Variants in RAPGEF1 observed in about 807,000 individuals in gnomAD.
RAPGEF1 encodes Rap guanine nucleotide exchange factor 1, also known as CRK SH3-binding GNRP.
In RAPGEF1, 33 loss-of-function variants were observed where a neutral mutation model predicts 143.3. The observed-to-expected ratio is 0.23, with a 90% CI of 0.17 to 0.31. The LOEUF (loss-of-function observed/expected upper bound fraction) is 0.31. RAPGEF1 is among the 10% of genes least tolerant of loss of function. RAPGEF1 has a pLI of 1.00. For synonymous variants in RAPGEF1, 629 were observed against 676.5 expected (o/e 0.93, Z 1.09); for missense variants, 1,199 against 1,645.4 (o/e 0.73, Z 4.69).
chr9:131,630,154 C>A, intron 6 of RAPGEF1, 82 bp downstream of exon 6: 6 of 1,255,658 alleles, frequency 4.8e-6, no homozygotes, highest in Non-Finnish European at 6.9e-6. Context: ...ATGCTGCCCA[C>A]CCCACCGGGC....
chr9:131,710,240 C>A (rs758510632), intron 1 of RAPGEF1, among the ~76,000 whole-genome samples: 10 of 152,114 alleles, frequency 6.6e-5, no homozygotes, highest in Non-Finnish European at 1.3e-4. Context: ...AAGCTGATTT[C>A]ACTAATGCTG....
chr9:131,704,255 GC>G (rs1834883928), intron 1 of RAPGEF1, among the ~76,000 whole-genome samples: 1 of 150,354 alleles, frequency 6.7e-6, no homozygotes, highest in African/African-American at 2.5e-5. Flanking sequence ...GCATCCAGCT[GC>G]CCCAGATGCT....
At chr9:131,645,011 G>T (rs142998786) in intron 3 of RAPGEF1, among the ~76,000 whole-genome samples, 16 of 152,192 alleles carry the variant, frequency 1.1e-4, no homozygotes, top group Admixed American at 9.8e-4. Context: ...CTCCCATGGT[G>T]GGGGAAGTGC....
intron 1 of RAPGEF1, among the ~76,000 whole-genome samples, chr9:131,712,566 C>T (rs2131221131): frequency 6.6e-6 from 1 of 152,296 alleles, no homozygotes; most frequent in South Asian, 2.1e-4. Context: ...AAGTCAGGAG[C>T]CGTGTCTGGG....
At chr9:131,685,447 C>T (rs1034915760) in intron 1 of RAPGEF1, among the ~76,000 whole-genome samples, 1 of 152,212 alleles carries the variant, frequency 6.6e-6, no homozygotes, top group African/African-American at 2.4e-5. Flanking sequence ...GCAAGGAACA[C>T]GGGGCCCACC....
chr9:131,683,431 G>A (rs1468706299), intron 1 of RAPGEF1, among the ~76,000 whole-genome samples: 4 of 152,220 alleles, frequency 2.6e-5, no homozygotes, highest in African/African-American at 9.7e-5. Context: ...AATGGAGAAT[G>A]TTAACTGACT....
intron 1 of RAPGEF1, among the ~76,000 whole-genome samples, chr9:131,701,667 T>A (rs1010006631): frequency 2.0e-5 from 3 of 152,232 alleles, no homozygotes; most frequent in Non-Finnish European, 2.9e-5. Flanking sequence ...AAATATAAAA[T>A]CATAACATAT....
Position 131,739,943 on chromosome 9 carries a change from G to A in RAPGEF1, c.-113C>T, listed in dbSNP as rs1006611385. The A allele has an allele frequency of 3.5e-6, 2 of 568,644 alleles. No individual in the cohort carries two copies. Among genetic ancestry groups the A allele is most frequent in the Non-Finnish European group, 2.2e-6 (1 of 452,822 alleles). 35.2% of individuals were successfully genotyped at this position (568,644 alleles called of 1,614,324 possible). ...CCGGCATGGCGGGCTCCGCGCGGCC[G>A]CGGCCCTGCGCTCGGCGACCGCGCT... On this transcript the variant is annotated 5_prime_UTR_variant, in exon 1 of 27. Transcript: ENST00000683357.
intron 1 of RAPGEF1, among the ~76,000 whole-genome samples, chr9:131,660,665 C>T (rs1306092533): frequency 2.0e-5 from 3 of 152,166 alleles, no homozygotes; most frequent in South Asian, 2.1e-4. Flanking sequence ...TAGGGATGGA[C>T]GGCATGGGAA....
chr9:131,625,569 C>A (rs1962754021), intron 10 of RAPGEF1, among the ~76,000 whole-genome samples: 1 of 152,210 alleles, frequency 6.6e-6, no homozygotes, highest in Admixed American at 6.5e-5. Context: ...TCGCTCTACA[C>A]AGATGTTGCT....
At chr9:131,664,228 A>G (rs1830064443) in intron 1 of RAPGEF1, among the ~76,000 whole-genome samples, 1 of 151,830 alleles carries the variant, frequency 6.6e-6, no homozygotes. Context: ...TACCTTCCCT[A>G]CCCCATTTCT....
chr9:131,690,858 G>T (rs954098697), intron 1 of RAPGEF1, among the ~76,000 whole-genome samples: 2 of 152,172 alleles, frequency 1.3e-5, no homozygotes, highest in Non-Finnish European at 2.9e-5. Context: ...TCAACACGAG[G>T]TTATCAAGGT....
At chr9:131,649,690 G>A (rs1273150767) in intron 3 of RAPGEF1, among the ~76,000 whole-genome samples, 1 of 152,210 alleles carries the variant, frequency 6.6e-6, no homozygotes, top group African/African-American at 2.4e-5. Context: ...GGCTCTGAGA[G>A]CACTTGGTTA....
chr9:131,674,668 G>A (rs943279978), intron 1 of RAPGEF1, among the ~76,000 whole-genome samples: 3 of 152,184 alleles, frequency 2.0e-5, no homozygotes, highest in Admixed American at 1.3e-4. Context: ...TCCGGTGACC[G>A]CCTCCCTGAC....
chr9:131,604,851 C>G, intron 13 of RAPGEF1, 80 bp downstream of exon 13: 1 of 1,216,114 alleles, frequency 8.2e-7, no homozygotes, highest in Non-Finnish European at 1.1e-6. Flanking sequence ...AACGTGAAAC[C>G]GCTTTTTAAA....
At chr9:131,619,325 T>G in intron 11 of RAPGEF1, 119 bp from the exon 12 acceptor site, 1 of 877,490 alleles carries the variant, frequency 1.1e-6, no homozygotes, top group South Asian at 1.6e-5. Context: ...ACAGACGTTC[T>G]GGAGAGGGAT....
At chr9:131,683,998 G>A (rs1000436075) in intron 1 of RAPGEF1, among the ~76,000 whole-genome samples, 12 of 152,204 alleles carry the variant, frequency 7.9e-5, no homozygotes, top group Non-Finnish European at 1.5e-4. Flanking sequence ...ATGGCCGATC[G>A]CCTAGTTGCT....
chr9:131,640,692 C>T (rs1408675598), intron 4 of RAPGEF1, among the ~76,000 whole-genome samples: 1 of 152,148 alleles, frequency 6.6e-6, no homozygotes, highest in African/African-American at 2.4e-5. Flanking sequence ...TGGAGGCCAG[C>T]CTATCACTGT....
At chr9:131,640,115 T>C (rs1185774243) in intron 4 of RAPGEF1, among the ~76,000 whole-genome samples, 3 of 152,246 alleles carry the variant, frequency 2.0e-5, no homozygotes, top group Admixed American at 2.0e-4. Flanking sequence ...GGAACTACTC[T>C]CTTAGGAAAG....
Sources: gnomAD v4.1 joint callset for allele counts (sites outside exome capture counted in the v4.1 genomes callset) on GRCh38, gnomAD v4.1.1 for gene constraint, MANE v1.5 for transcripts, NCBI Gene and HGNC (gene_info 2026-07-23, HGNC 2026-07-21) for gene names.